The following NCAM2 variants were observed in gnomAD, a reference collection of about 807,000 sequenced individuals.
NCAM2 encodes the protein N-CAM-2.
In NCAM2, 30 loss-of-function variants were observed where a neutral mutation model predicts 98.1. That is an observed-to-expected ratio of 0.31 (90% CI 0.23 to 0.41). The LOEUF (loss-of-function observed/expected upper bound fraction) is 0.41. Among genes scored for constraint, NCAM2 ranks in the 10% least tolerant of loss-of-function variants. The probability of loss-of-function intolerance (pLI) is 1.00; values close to 1 mark genes in which losing one functional copy is unlikely to be tolerated. For synonymous variants in NCAM2, 368 were observed against 342.4 expected, an observed-to-expected ratio of 1.07 and a Z score of -0.83; for missense variants, 867 against 1,005.8, an observed-to-expected ratio of 0.86 and a Z score of 1.87.
At chr21:21,306,107 A>G (rs186089681) in intron 5 of NCAM2, among the ~76,000 whole-genome samples, 1 of 152,260 alleles carries the variant, frequency 6.6e-6, no homozygotes, top group African/African-American at 2.4e-5. Flanking sequence ...CAGAGAACAT[A>G]CTATGATTTA....
intron 1 of NCAM2, among the ~76,000 whole-genome samples, chr21:21,235,327 G>C (rs1278564059): frequency 6.6e-6 from 1 of 151,892 alleles, no homozygotes; most frequent in Admixed American, 6.6e-5. Flanking sequence ...AATGTTACAG[G>C]AATTTTGCAG....
At chr21:21,520,180 G>A (rs939630599) in intron 16 of NCAM2, among the ~76,000 whole-genome samples, 23 of 152,048 alleles carry the variant, frequency 1.5e-4, no homozygotes, top group South Asian at 4.2e-4. Context: ...TATACAACAA[G>A]AGACAACTCT....
At position 21,432,193 on chromosome 21, in the gene NCAM2, T is replaced by C; in HGVS notation, c.1566T>C (p.His522=). The C allele has an allele frequency of 1.2e-6, 2 of 1,614,100 alleles. No individual in the cohort carries two copies. Among genetic ancestry groups the C allele is most frequent in the Non-Finnish European group, 1.7e-6 (2 of 1,179,968 alleles). The change falls in exon 12 of 18, where the codon CAT becomes CAC. Residue 522 remains histidine (H), a synonymous_variant. Transcript: ENST00000400546. The part of the protein sequence containing the change: ...AKVSFNKPDS[H]GGVPIHHYQV... ...TTTCCTTCAACAAACCGGACTCCCA[T>C]GGAGGTGTACCTATTCATCACTATC...
chr21:21,371,848 G>A (rs1005061052), intron 8 of NCAM2, among the ~76,000 whole-genome samples: 2 of 149,394 alleles, frequency 1.3e-5, no homozygotes, highest in Admixed American at 1.3e-4. Flanking sequence ...GTTGCTTATT[G>A]TAAAATAAAT....
At chr21:21,452,652 T>G (rs1262459852) in intron 12 of NCAM2, among the ~76,000 whole-genome samples, 1 of 112,812 alleles carries the variant, frequency 8.9e-6, no homozygotes, top group African/African-American at 3.6e-5. Context: ...TATATAAATA[T>G]ATATATTATA....
intron 1 of NCAM2, among the ~76,000 whole-genome samples, chr21:21,197,714 A>G (rs1301469742): frequency 1.3e-5 from 2 of 152,202 alleles, no homozygotes; most frequent in Non-Finnish European, 2.9e-5. Context: ...GATAAGCCTT[A>G]CCAATTCCCT....
At chr21:21,467,505 A>T (rs1983875477) in intron 13 of NCAM2, among the ~76,000 whole-genome samples, 1 of 150,614 alleles carries the variant, frequency 6.6e-6, no homozygotes, top group Non-Finnish European at 1.5e-5. Flanking sequence ...ATTGGTAATC[A>T]TAAAATCTGT....
intron 15 of NCAM2, among the ~76,000 whole-genome samples, chr21:21,505,734 T>C (rs1428775132): frequency 1.3e-5 from 2 of 152,002 alleles, no homozygotes; most frequent in Non-Finnish European, 2.9e-5. Context: ...AGTTGAAATA[T>C]CATTTTTATA....
intron 16 of NCAM2, among the ~76,000 whole-genome samples, chr21:21,510,354 T>A (rs1002943888): frequency 6.6e-6 from 1 of 152,050 alleles, no homozygotes; most frequent in Non-Finnish European, 1.5e-5. Flanking sequence ...CACATTAACC[T>A]CCCTCACCCA....
chr21:21,385,217 A>G (rs1032193674), intron 9 of NCAM2, among the ~76,000 whole-genome samples: 2 of 152,076 alleles, frequency 1.3e-5, no homozygotes, highest in Non-Finnish European at 2.9e-5. Context: ...CATAATAGTA[A>G]TAAAACTCTT....
intron 7 of NCAM2, among the ~76,000 whole-genome samples, chr21:21,336,256 C>T (rs917951622): frequency 3.3e-5 from 5 of 151,978 alleles, no homozygotes; most frequent in African/African-American, 1.2e-4. Flanking sequence ...TAGAATTTTT[C>T]CCTTTAATTA....
In NCAM2 at chr21:21,426,354, G is replaced by T. The variant is rs577398982; in HGVS notation, c.1481-5754G>T. ...GACACTGCATGTAACAGTGTTACTG[G>T]ATCTAGGAAATTCAGTTACTTATGT... On this transcript the variant is annotated intron_variant, in intron 11 of 17. Transcript: ENST00000400546. Among the ~76,000 whole-genome samples, 12 of 152,200 alleles carry T rather than the reference G, an allele frequency of 7.9e-5. No homozygotes were observed. The East Asian group carries it at 2.3e-3, about 29-fold the overall frequency.
chr21:21,236,514 A>G (rs1249312219), intron 1 of NCAM2, among the ~76,000 whole-genome samples: 1 of 152,092 alleles, frequency 6.6e-6, no homozygotes, highest in Non-Finnish European at 1.5e-5. Context: ...GCAAAATTGT[A>G]TTTAATCAAA....
chr21:21,293,815 G>T (rs1036407970), intron 5 of NCAM2, among the ~76,000 whole-genome samples: 1 of 151,634 alleles, frequency 6.6e-6, no homozygotes, highest in Non-Finnish European at 1.5e-5. Context: ...ATATGTAAGT[G>T]TATTTCATCA....
At chr21:21,476,542 T>C (rs555735819) in intron 14 of NCAM2, among the ~76,000 whole-genome samples, 29 of 152,204 alleles carry the variant, frequency 1.9e-4, no homozygotes, top group African/African-American at 6.7e-4. Context: ...CTGTTTTAGA[T>C]AATTTAATTT....
At chr21:21,373,836 T>C in intron 8 of NCAM2, 27 bp from the exon 9 acceptor site, 6 of 1,561,576 alleles carry the variant, frequency 3.8e-6, no homozygotes, top group Non-Finnish European at 5.2e-6. Flanking sequence ...CATAAAATCT[T>C]TCTTTTTCCT....
rs988087992 is a variant in NCAM2, at chr21:21,123,984, A to G, written c.55+125366A>G. On this transcript the variant is annotated intron_variant, in intron 1 of 17. Transcript: ENST00000400546. ...TGCCTCAGCCTCCCGAGTAGCTGGG[A>G]CTGTAGGCGCCCGCCAGCACGCCCA... Among the ~76,000 whole-genome samples the G allele has an allele frequency of 2.7e-5, 4 of 150,924 alleles. No individual in the cohort carries two copies. In the Admixed American group the frequency reaches 2.7e-4, roughly 10 times the overall value.
At chr21:21,520,491 T>G (rs1988953688) in intron 16 of NCAM2, among the ~76,000 whole-genome samples, 1 of 152,038 alleles carries the variant, frequency 6.6e-6, no homozygotes, top group South Asian at 2.1e-4. Context: ...AAAGTAAGAT[T>G]TGATACAAAA....
At chr21:21,212,693 G>T (rs1370184073) in intron 1 of NCAM2, among the ~76,000 whole-genome samples, 2 of 150,298 alleles carry the variant, frequency 1.3e-5, no homozygotes, top group African/African-American at 4.9e-5. Flanking sequence ...TACATGAGGT[G>T]TCTCTATATT....
Sources: gnomAD v4.1 joint callset for allele counts (sites outside exome capture counted in the v4.1 genomes callset) on GRCh38, gnomAD v4.1.1 for gene constraint, MANE v1.5 for transcripts, NCBI Gene and HGNC (gene_info 2026-07-23, HGNC 2026-07-21) for gene names.